The following GNA11 variants were observed in gnomAD, a reference collection of about 807,000 sequenced individuals.
GNA11 encodes guanine nucleotide-binding protein subunit alpha-11.
Under a neutral mutation model 38.2 loss-of-function variants are expected in GNA11, and 8 were observed. The observed-to-expected ratio is 0.21, with a 90% CI of 0.12 to 0.38. GNA11 has a LOEUF of 0.38. Among genes scored for constraint, GNA11 ranks in the 10% least tolerant of loss-of-function variants. GNA11 has a pLI of 1.00. For synonymous variants in GNA11, 211 were observed against 221.4 expected (o/e 0.95, Z 0.42); for missense variants, 268 against 516.3 (o/e 0.52, Z 4.66).
chr19:3,115,519 G>A (rs1913887708), intron 4 of GNA11: 1 of 155,870 alleles, frequency 6.4e-6, no homozygotes, highest in Non-Finnish European at 1.4e-5. Context: ...CAGGGAAGGA[G>A]CTGTGGGGGT....
At chr19:3,113,304 G>C (rs778324960) in intron 2 of GNA11, 26 bp from the exon 3 acceptor site, 2 of 1,608,230 alleles carry the variant, frequency 1.2e-6, no homozygotes, top group African/African-American at 1.4e-5. Flanking sequence ...GCGAGCTCTC[G>C]ACGTCTCCCC....
chr19:3,114,836 C>T (rs1000657794), intron 3 of GNA11, 108 bp from the exon 4 acceptor site: 4 of 1,097,708 alleles, frequency 3.6e-6, no homozygotes, highest in African/African-American at 3.1e-5. Context: ...AGTGCGCGGT[C>T]CACCCCCTCC....
chr19:3,112,563 A>G (rs1913800637), intron 2 of GNA11, among the ~76,000 whole-genome samples: 1 of 152,216 alleles, frequency 6.6e-6, no homozygotes, highest in African/African-American at 2.4e-5. Flanking sequence ...GTCTGCCCCA[A>G]AGGGTGTTCA....
chr19:3,118,843 G>T, intron 4 of GNA11, 81 bp from the exon 5 acceptor site: 1 of 1,316,174 alleles, frequency 7.6e-7, no homozygotes, highest in South Asian at 1.2e-5. Context: ...GGCAGGAGGG[G>T]CTTGGGTGGG....
intron 2 of GNA11, among the ~76,000 whole-genome samples, chr19:3,111,029 A>G (rs1177516734): frequency 6.6e-6 from 1 of 152,052 alleles, no homozygotes; most frequent in Non-Finnish European, 1.5e-5. Context: ...CCTGGGCTCA[A>G]GCAGTCCTCC....
At chr19:3,098,475 T>C (rs1256909078) in intron 1 of GNA11, among the ~76,000 whole-genome samples, 1 of 152,254 alleles carries the variant, frequency 6.6e-6, no homozygotes, top group Non-Finnish European at 1.5e-5. Context: ...CGTATAGTTC[T>C]TTGTGGCAGG....
chr19:3,095,838 C>A (rs1277020906), intron 1 of GNA11, among the ~76,000 whole-genome samples: 1 of 152,140 alleles, frequency 6.6e-6, no homozygotes, highest in Non-Finnish European at 1.5e-5. Flanking sequence ...TCCTCCCCAC[C>A]GTCCTGGAGA....
At position 3,108,702 on chromosome 19, in the gene GNA11, CA is replaced by C. The variant is rs941970132; in HGVS notation, c.137-1443del. 2.6e-5 allele frequency among the ~76,000 whole-genome samples: 4 copies of C among 152,206 alleles called. No individual in the cohort carries two copies. Among genetic ancestry groups the C allele is most frequent in the African/African-American group, 9.6e-5 (4 of 41,462 alleles). On this transcript the variant is annotated intron_variant, in intron 1 of 6. Coordinates refer to ENST00000078429, the MANE Select transcript of GNA11 (RefSeq NM_002067.5). The surrounding 1 kb of genome is among the most constrained non-coding windows in gnomAD (Gnocchi z 4.5). The stretch of plus-strand genomic sequence containing the variant: ...CCCAAAACTTCGCAACTTAAATTAA[CA>C]AAACTTATTTCAGATAGTTTCTGAG...
rs61731117 is a variant in GNA11 at position 3,110,153 on chromosome 19, G to A, written c.141G>A (p.Thr47=). The A allele has an allele frequency of 1.5e-3, 2,440 of 1,605,252 alleles. 31 individuals are homozygous for A. In the African/African-American group the frequency reaches 0.029, roughly 19 times the overall value. Residue 47 remains threonine (T), a synonymous_variant, in exon 2 of 7, where the codon ACG becomes ACA. Coordinates refer to ENST00000078429, the MANE Select transcript of GNA11 (RefSeq NM_002067.5). The surrounding 1 kb of genome is among the most constrained non-coding windows in gnomAD (Gnocchi z 5.4). ...CTCACGTGCCCCGTCCCCCAGGCAC[G>A]GGCGAGAGCGGGAAGAGCACGTTCA... ...RRELKLLLLG[T]GESGKSTFIK... is the part of the protein sequence containing the mutation.
intron 4 of GNA11, chr19:3,117,483 G>C (rs562403428): frequency 2.0e-5 from 3 of 152,370 alleles, no homozygotes; most frequent in African/African-American, 7.2e-5. Context: ...CCGGGTTCAC[G>C]CCATTCTCCT....
In GNA11 at chr19:3,110,222, G is replaced by A. The variant is rs1257006905; in HGVS notation, c.210G>A (p.Glu70=). Residue 70 remains glutamate, a synonymous_variant, in exon 2 of 7, where the codon GAG becomes GAA. Coordinates refer to ENST00000078429, the MANE Select transcript of GNA11 (RefSeq NM_002067.5). This position sits in a 1 kb window ranked among gnomAD's most constrained non-coding sequence, Gnocchi z 5.4. The part of the protein sequence containing the change: ...RIIHGAGYSE[E]DKRGFTKLVY... Reference sequence around the variant, plus strand: ...TCCACGGCGCCGGCTACTCGGAGGAGGACAAGCGCGGCTTCACCAAGCTCG... The same window carrying A: ...TCCACGGCGCCGGCTACTCGGAGGAAGACAAGCGCGGCTTCACCAAGCTCG... 3.7e-6 allele frequency: 6 copies of A among 1,613,902 alleles called. No individual in the cohort carries two copies. The African/African-American group carries it at 5.3e-5, about 14-fold the overall frequency.
rs1682801 is a variant in GNA11 at position 3,120,741 on chromosome 19, T to C, written c.890-248T>C. Among the ~76,000 whole-genome samples, 2 of 151,842 alleles carry C rather than the reference T, an allele frequency of 1.3e-5. No individual in the cohort carries two copies. The highest frequency in any genetic ancestry group is 2.4e-5 in the African/African-American group (1 of 41,328). ...GAGGGCTGAGCAGAGGGAGCAGCGG[T>C]GGGTGCAGAGCCCCAGGTTGGAGGC... is the stretch of plus-strand genomic sequence containing the variant. On this transcript the variant is annotated intron_variant, in intron 6 of 6. Coordinates refer to ENST00000078429, the MANE Select transcript of GNA11 (RefSeq NM_002067.5). The surrounding 1 kb of genome is among the most constrained non-coding windows in gnomAD (Gnocchi z 5.9).
intron 1 of GNA11, among the ~76,000 whole-genome samples, chr19:3,097,877 C>T (rs1171458644): frequency 6.6e-6 from 1 of 152,190 alleles, no homozygotes; most frequent in Non-Finnish European, 1.5e-5. Context: ...GTGTCCGAGG[C>T]CTCCACCCAC....
At position 3,113,291 on chromosome 19, in the gene GNA11, C is replaced by T. The variant is rs751681002; in HGVS notation, c.322-39C>T. Reference sequence around the variant, plus strand: ...CAAGCTTTCTGGTGGATGTGTGGCCCCAGCGAGCTCTCGACGTCTCCCCTG... The same window carrying T: ...CAAGCTTTCTGGTGGATGTGTGGCCTCAGCGAGCTCTCGACGTCTCCCCTG... On this transcript the variant is annotated intron_variant, in intron 2 of 6. Transcript: ENST00000078429. 1.9e-6 allele frequency: 3 copies of T among 1,601,176 alleles called. No homozygotes were observed. In the East Asian group the frequency reaches 6.7e-5, roughly 36 times the overall value.
In GNA11 at chr19:3,121,575, C is replaced by T. The variant is rs184012176; in HGVS notation, c.*396C>T. 108 of 235,620 alleles carry T rather than the reference C, an allele frequency of 4.6e-4. No individual in the cohort carries two copies. The highest frequency in any genetic ancestry group is 2.2e-3 in the African/African-American group (98 of 45,524). 14.6% of individuals were successfully genotyped at this position (235,620 alleles called of 1,614,324 possible). ...CCGCCAGCCAGCATGGGGCCCCGCC[C>T]TGCAGCCAGTCACGCGCCCCCACAC... On this transcript the variant is annotated 3_prime_UTR_variant, in exon 7 of 7. Coordinates refer to ENST00000078429, the MANE Select transcript of GNA11 (RefSeq NM_002067.5).
At chr19:3,118,869 G>T in intron 4 of GNA11, 55 bp from the exon 5 acceptor site, 1 of 1,573,988 alleles carries the variant, frequency 6.4e-7, no homozygotes, top group Non-Finnish European at 8.7e-7. Context: ...TCCTGGGATT[G>T]CAGATTGGGC....
chr19:3,116,263 C>A (rs930354947), intron 4 of GNA11, among the ~76,000 whole-genome samples: 1 of 152,170 alleles, frequency 6.6e-6, no homozygotes, highest in African/African-American at 2.4e-5. Context: ...ACATCTCCAG[C>A]GCTGAGGTCC....
In GNA11 at chr19:3,110,830, G is replaced by A. The variant is rs555265391; in HGVS notation, c.321+497G>A. On this transcript the variant is annotated intron_variant, in intron 2 of 6. Coordinates refer to ENST00000078429, the MANE Select transcript of GNA11 (RefSeq NM_002067.5). The surrounding 1 kb of genome is among the most constrained non-coding windows in gnomAD (Gnocchi z 5.4). ...TGTTTTGTTTTGAAAACAGGGTCTC[G>A]CTCTGTCGCCCAGGCTGGAGTGCAG... Among the ~76,000 whole-genome samples the A allele has an allele frequency of 9.9e-5, 15 of 152,080 alleles. No homozygotes were observed. The highest frequency in any genetic ancestry group is 2.7e-4 in the African/African-American group (11 of 41,398).
At position 3,119,407 on chromosome 19, in the gene GNA11, T is replaced by A. The variant is rs370286; in HGVS notation, c.889+48T>A. The A allele has an allele frequency of 5.9e-5, 94 of 1,582,876 alleles. No homozygotes were observed. The highest frequency in any genetic ancestry group is 3.4e-4 in the Middle Eastern group (2 of 5,966). On this transcript the variant is annotated intron_variant, in intron 6 of 6. Transcript: ENST00000078429. The surrounding 1 kb of genome is among the most constrained non-coding windows in gnomAD (Gnocchi z 4.6). ...GAGGGGCTCGCGGGCAGGGCCTTACTGGGGGGAGGGGGCTGATATGGGAGA... is the reference window on the plus strand; with the variant it reads ...GAGGGGCTCGCGGGCAGGGCCTTACAGGGGGGAGGGGGCTGATATGGGAGA...
Sources: allele counts gnomAD v4.1 joint callset (sites outside exome capture counted in the v4.1 genomes callset), GRCh38; gene constraint gnomAD v4.1.1; non-coding constraint Gnocchi (gnomAD v3.1); transcripts MANE v1.5; gene names NCBI Gene and HGNC (gene_info 2026-07-23, HGNC 2026-07-21).